Variants in MEGF11 observed in about 807,000 individuals in gnomAD.
The protein encoded by MEGF11 is multiple epidermal growth factor-like domains protein 11.
A neutral mutation model predicts 146.6 loss-of-function variants in MEGF11; 126 were observed. The observed-to-expected ratio is 0.86, with a 90% CI of 0.74 to 1.00. The LOEUF (loss-of-function observed/expected upper bound fraction) is 1.00, where lower values mean the gene tolerates loss of function less well. Ranked by LOEUF, MEGF11 falls within the 50% of genes least tolerant of loss-of-function variation. The pLI is 0.00. For synonymous variants in MEGF11, 532 were observed against 583.4 expected (o/e 0.91, Z 1.27); for missense variants, 1,509 against 1,521.2 (o/e 0.99, Z 0.13).
chr15:65,908,958 G>A (rs551579824), intron 23 of MEGF11, 76 bp downstream of exon 23: 1 of 903,574 alleles, frequency 1.1e-6, no homozygotes, highest in South Asian at 1.5e-5. Context: ...GGGGGTCAAG[G>A]TGCAGGGATG....
chr15:66,156,425 G>A (rs2089759650), intron 1 of MEGF11, among the ~76,000 whole-genome samples: 1 of 151,986 alleles, frequency 6.6e-6, no homozygotes, highest in South Asian at 2.1e-4. Flanking sequence ...TGGGTCATCG[G>A]TCCCACTTGA....
chr15:66,043,373 G>T (rs1296099722), intron 5 of MEGF11, among the ~76,000 whole-genome samples: 2 of 152,246 alleles, frequency 1.3e-5, no homozygotes, highest in Non-Finnish European at 2.9e-5. Context: ...GATGCTGGGG[G>T]CGTCCTGGGG....
intron 1 of MEGF11, among the ~76,000 whole-genome samples, chr15:66,249,052 C>T (rs1316180361): frequency 6.6e-6 from 1 of 152,188 alleles, no homozygotes; most frequent in Non-Finnish European, 1.5e-5. Flanking sequence ...ACCAGGCCAG[C>T]CAAGTTGAAA....
chr15:66,098,651 C>T lies in MEGF11; in HGVS notation c.302-4157G>A, dbSNP rs532469669. Among the ~76,000 whole-genome samples, 10 of 152,294 alleles carry T rather than the reference C, an allele frequency of 6.6e-5. No homozygotes were observed. In the East Asian group the frequency reaches 1.9e-3, roughly 29 times the overall value. On this transcript the variant is annotated intron_variant, in intron 4 of 25. Transcript: ENST00000395614. The stretch of plus-strand genomic sequence containing the variant: ...CCAGTCTCCCCAGTGCTCCAAGGCA[C>T]ATTGATCAGTCTGCCATTAGCATTC...
chr15:65,904,843 A>G (rs143378202), intron 24 of MEGF11, among the ~76,000 whole-genome samples: 48 of 152,260 alleles, frequency 3.2e-4, no homozygotes, highest in African/African-American at 1.1e-3. Context: ...ATTCTGGTAC[A>G]CTGTTAGATT....
intron 5 of MEGF11, among the ~76,000 whole-genome samples, chr15:66,042,690 G>A (rs184981011): frequency 8.5e-5 from 13 of 152,124 alleles, no homozygotes; most frequent in Non-Finnish European, 2.9e-5. Context: ...GTCCCTCCTC[G>A]CCCCTCCCAG....
intron 5 of MEGF11, among the ~76,000 whole-genome samples, chr15:66,074,082 G>A (rs1393477192): frequency 1.3e-5 from 2 of 152,248 alleles, no homozygotes; most frequent in South Asian, 2.1e-4. Flanking sequence ...AACATTACCC[G>A]GTTGAAATTC....
intron 5 of MEGF11, among the ~76,000 whole-genome samples, chr15:66,055,513 T>G (rs2084638196): frequency 6.6e-6 from 1 of 152,260 alleles, no homozygotes; most frequent in Admixed American, 6.5e-5. Flanking sequence ...TTTGTGCTGG[T>G]GTGTCAGAAT....
intron 5 of MEGF11, among the ~76,000 whole-genome samples, chr15:66,069,869 G>A (rs2085291210): frequency 6.6e-6 from 1 of 152,246 alleles, no homozygotes; most frequent in South Asian, 2.1e-4. Context: ...TGCTGTTACA[G>A]TGAGAAAGCA....
chr15:66,066,311 C>T (rs544428188), intron 5 of MEGF11, among the ~76,000 whole-genome samples: 2 of 150,310 alleles, frequency 1.3e-5, no homozygotes, highest in South Asian at 4.2e-4. Flanking sequence ...AACACCAGAG[C>T]CCCCCAGTTG....
intron 10 of MEGF11, among the ~76,000 whole-genome samples, chr15:65,954,554 TGGGAG>T: frequency 6.6e-6 from 1 of 151,932 alleles, no homozygotes; most frequent in African/African-American, 2.4e-5. Flanking sequence ...CGAGGCTGGG[TGGGAG>T]GAGATGGATG....
At chr15:65,911,408 T>C (rs1223070472) in intron 21 of MEGF11, among the ~76,000 whole-genome samples, 1 of 152,146 alleles carries the variant, frequency 6.6e-6, no homozygotes, top group Non-Finnish European at 1.5e-5. Flanking sequence ...TGGTAGGTGG[T>C]CTAGTTGTTG....
chr15:65,904,745 CA>C (rs1162275671), intron 24 of MEGF11, among the ~76,000 whole-genome samples: 1 of 152,182 alleles, frequency 6.6e-6, no homozygotes, highest in East Asian at 1.9e-4. Context: ...TTCACACATG[CA>C]GATTCCAGGG....
At chr15:66,224,745 T>C (rs1363342938) in intron 1 of MEGF11, among the ~76,000 whole-genome samples, 1 of 146,700 alleles carries the variant, frequency 6.8e-6, no homozygotes, top group Non-Finnish European at 1.5e-5. Flanking sequence ...ATCTCATATA[T>C]ATATATTTAT....
At chr15:66,252,388 C>T (rs2092386381) in intron 1 of MEGF11, among the ~76,000 whole-genome samples, 1 of 152,234 alleles carries the variant, frequency 6.6e-6, no homozygotes. Context: ...GCCGCAGGCC[C>T]TGTTCTCTCG....
intron 5 of MEGF11, among the ~76,000 whole-genome samples, chr15:65,993,844 G>A (rs1204711197): frequency 2.0e-5 from 3 of 152,212 alleles, no homozygotes. Flanking sequence ...CCACCATGAG[G>A]TCTGGTCTGG....
intron 1 of MEGF11, among the ~76,000 whole-genome samples, chr15:66,176,519 A>G (rs2090392585): frequency 6.6e-6 from 1 of 152,204 alleles, no homozygotes; most frequent in African/African-American, 2.4e-5. Context: ...TAAAATTTAA[A>G]ACTCAGAGCC....
In MEGF11 at chr15:66,002,040, C is replaced by T. The variant is rs555316842; in HGVS notation, c.395-19552G>A. Among the ~76,000 whole-genome samples, 106 of 152,146 alleles carry T rather than the reference C, an allele frequency of 7.0e-4. No individual in the cohort carries two copies. In the Middle Eastern group the frequency reaches 0.01, roughly 15 times the overall value. ...GGGGGTGGGAAATGGAATCCCCTCC[C>T]CTCACACCACAACCCCAAGGAAGTT... is the stretch of plus-strand genomic sequence containing the variant. On this transcript the variant is annotated intron_variant, in intron 5 of 25. Transcript: ENST00000395614.
intron 5 of MEGF11, among the ~76,000 whole-genome samples, chr15:66,073,582 C>T (rs902057830): frequency 2.6e-5 from 4 of 152,352 alleles, no homozygotes; most frequent in Middle Eastern, 6.8e-3. Context: ...TCACTCTCTC[C>T]GTTTTTCAAT....
Sources: allele counts gnomAD v4.1 joint callset (sites outside exome capture counted in the v4.1 genomes callset), GRCh38; gene constraint gnomAD v4.1.1; transcripts MANE v1.5; gene names NCBI Gene and HGNC (gene_info 2026-07-23, HGNC 2026-07-21).